ZNF469: variants seen among roughly 807,000 people sequenced by gnomAD.
ZNF469 encodes zinc finger protein 469.
Under a neutral mutation model 1.0 loss-of-function variants are expected in ZNF469, and 1 was observed. The observed-to-expected ratio is 1.00, with a 90% confidence interval of 0.35 to 4.73. ZNF469 has a LOEUF of 4.73. Ranked by LOEUF, ZNF469 falls within the 30% of genes most tolerant of loss-of-function variation. The probability of loss-of-function intolerance (pLI) is 0.16; values close to 1 mark genes in which losing one functional copy is unlikely to be tolerated. For synonymous variants in ZNF469, 2,703 were observed against 2,363.4 expected (o/e 1.14, Z -4.17); for missense variants, 6,100 against 5,356.3 (o/e 1.14, Z -4.33).
chr16:88,272,482 A>G, the ZNF469 span, among the ~76,000 whole-genome samples: 7 of 124,634 alleles, frequency 5.6e-5, no homozygotes, highest in Non-Finnish European at 1.1e-4. Flanking sequence ...GGGTGTATGG[A>G]TAGATGAGTG....
rs78213929 is a variant in ZNF469, at chr16:88,434,135, T to C, written c.6665T>C (p.Leu2222Pro). The C allele has an allele frequency of 1.2e-5, 18 of 1,550,186 alleles. No homozygotes were observed. The East Asian group carries it at 4.4e-4, about 38-fold the overall frequency. ...GCLLQGEGSPLEDPSSWPPGS... is the reference protein window; with the variant it reads ...GCLLQGEGSPPEDPSSWPPGS... ...CTTCTCCAGGGGGAGGGCAGCCCCC[T>C]GGAAGACCCTTCCTCCTGGCCTCCT... The change falls in exon 3 of 3, where the codon CTG (leucine) becomes CCG (proline). Residue 2222 changes from leucine (L) to proline (P), a missense_variant. Physicochemically the swap from Leu to Pro is moderately conservative, Grantham distance 98. Transcript: ENST00000565624.
chr16:88,231,637 G>T, the ZNF469 span, among the ~76,000 whole-genome samples: 1 of 152,118 alleles, frequency 6.6e-6, no homozygotes, highest in African/African-American at 2.4e-5. This position sits in a 1 kb window ranked among gnomAD's most constrained non-coding sequence, Gnocchi z 4.5. Flanking sequence ...CACCTTCCAG[G>T]CCAGCAGCGC....
At chr16:88,117,388 C>A in the ZNF469 span, among the ~76,000 whole-genome samples, 27 of 151,888 alleles carry the variant, frequency 1.8e-4, no homozygotes, top group African/African-American at 5.3e-4. Context: ...AGTTTTTTTA[C>A]AAAAAGAAAA....
chr16:88,247,782 GGAGTGAGTAAATGAGTGAATGAGT>G, the ZNF469 span, among the ~76,000 whole-genome samples: 15 of 149,268 alleles, frequency 1.0e-4, no homozygotes, highest in African/African-American at 3.4e-4. Context: ...AGTGAATGAG[GGAGTGAGTAAATGAGTGAATGAGT>G]GAGTGAGTGA....
intron 1 of ZNF469, among the ~76,000 whole-genome samples, chr16:88,401,113 G>A (rs183936565): frequency 2.2e-4 from 33 of 152,228 alleles, no homozygotes; most frequent in Middle Eastern, 3.4e-3. Context: ...AGAAAAGTGC[G>A]TTCAGACCCC....
the ZNF469 span, among the ~76,000 whole-genome samples, chr16:88,163,623 TGGATGG>T: frequency 6.8e-6 from 1 of 147,430 alleles, no homozygotes; most frequent in Non-Finnish European, 1.5e-5. Context: ...GATGGATGGA[TGGATGG>T]ATGGATGGAT....
chr16:88,191,863 C>G, the ZNF469 span: 1 of 151,980 alleles, frequency 6.6e-6, no homozygotes, highest in Non-Finnish European at 1.5e-5. Context: ...GTTACTCTGG[C>G]TGGGATGGGG....
chr16:88,297,522 C>T, the ZNF469 span, among the ~76,000 whole-genome samples: 3 of 152,206 alleles, frequency 2.0e-5, no homozygotes, highest in African/African-American at 4.8e-5. Flanking sequence ...TCACAGCCCA[C>T]GGCACACGGC....
the ZNF469 span, among the ~76,000 whole-genome samples, chr16:88,203,211 C>T: frequency 6.6e-6 from 1 of 152,116 alleles, no homozygotes; most frequent in African/African-American, 2.4e-5. Context: ...TGAGGAACCC[C>T]CCAGGGAGGG....
the ZNF469 span, among the ~76,000 whole-genome samples, chr16:88,231,752 C>T: frequency 9.8e-5 from 15 of 152,308 alleles, no homozygotes; most frequent in East Asian, 2.5e-3. This position sits in a 1 kb window ranked among gnomAD's most constrained non-coding sequence, Gnocchi z 4.5. Context: ...ACTGAGCCAC[C>T]GGGACAACCC....
the ZNF469 span, among the ~76,000 whole-genome samples, chr16:88,209,981 G>T: frequency 6.6e-6 from 1 of 152,074 alleles, no homozygotes; most frequent in Non-Finnish European, 1.5e-5. Context: ...CCTCCAAGAC[G>T]GTTTTACCAA....
the ZNF469 span, among the ~76,000 whole-genome samples, chr16:88,121,701 G>A: frequency 6.6e-6 from 1 of 152,202 alleles, no homozygotes; most frequent in African/African-American, 2.4e-5. Context: ...TGACTTTTAA[G>A]CCCTGCCTTC....
chr16:88,401,781 GGGTGGATGGAT>G (rs1904878438), intron 1 of ZNF469, among the ~76,000 whole-genome samples: 2 of 151,774 alleles, frequency 1.3e-5, no homozygotes, highest in African/African-American at 4.8e-5. Context: ...ATGGATGCAT[GGGTGGATGGAT>G]AGTGGATGGA....
chr16:88,433,192 C>G lies in ZNF469; in HGVS notation c.5722C>G (p.Pro1908Ala). 3 of 1,550,368 alleles carry G rather than the reference C, an allele frequency of 1.9e-6. No homozygotes were observed. Residue 1908 changes from proline (P) to alanine (A), a missense_variant, in exon 3 of 3, where the codon CCA becomes GCA. By Grantham distance (27) the Pro-to-Ala change is conservative. Coordinates refer to ENST00000565624, the MANE Select transcript of ZNF469 (RefSeq NM_001367624.2). ...CCCCCCCATACGTCAGCTCCAGCTC[C>G]CAGGGCCTGGAGTGGCTAAGAGTAA... The part of the protein sequence containing the change: ...LSPPIRQLQL[P>A]GPGVAKSKDG...
chr16:88,241,868 A>G, the ZNF469 span, among the ~76,000 whole-genome samples: 1 of 152,194 alleles, frequency 6.6e-6, no homozygotes, highest in Non-Finnish European at 1.5e-5. This position sits in a 1 kb window ranked among gnomAD's most constrained non-coding sequence, Gnocchi z 4.8. Flanking sequence ...GTGGAGACTC[A>G]GCCTGGAGAG....
chr16:88,205,287 C>T, the ZNF469 span, among the ~76,000 whole-genome samples: 2 of 152,190 alleles, frequency 1.3e-5, no homozygotes, highest in African/African-American at 2.4e-5. This position sits in a 1 kb window ranked among gnomAD's most constrained non-coding sequence, Gnocchi z 4.2. Flanking sequence ...CTGATTATGT[C>T]CCGGCTTCCT....
chr16:88,320,603 T>TG, the ZNF469 span, among the ~76,000 whole-genome samples: 1 of 152,168 alleles, frequency 6.6e-6, no homozygotes, highest in African/African-American at 2.4e-5. Context: ...AGGCTGGACT[T>TG]GAACTCCTGA....
chr16:88,109,704 C>T, the ZNF469 span, among the ~76,000 whole-genome samples: 4 of 150,040 alleles, frequency 2.7e-5, no homozygotes, highest in Admixed American at 6.6e-5. Flanking sequence ...TCTGTGTCCA[C>T]GCTGTCTCCT....
In ZNF469 at chr16:88,428,293, T is replaced by C; in HGVS notation, c.823T>C (p.Phe275Leu). 1 of 1,550,310 alleles carries C rather than the reference T, an allele frequency of 6.5e-7. No individual in the cohort carries two copies. The highest frequency in any genetic ancestry group is 1.2e-5 in the South Asian group (1 of 84,068). Residue 275 changes from phenylalanine (F) to leucine (L), a missense_variant, in exon 3 of 3, where the codon TTC (phenylalanine) becomes CTC (leucine). Phe to Leu is a conservative substitution (Grantham distance 22, BLOSUM62 0). Coordinates refer to ENST00000565624, the MANE Select transcript of ZNF469 (RefSeq NM_001367624.2). ...CAGCCCCAGGGGAGTTTCCTTCCAG[T>C]TCCCCTTCCCGGCACTGCATGGGGC... ...GGSPRGVSFQ[F>L]PFPALHGAST... is the part of the protein sequence containing the mutation.
Sources: gnomAD v4.1 joint callset for allele counts (sites outside exome capture counted in the v4.1 genomes callset) on GRCh38, gnomAD v4.1.1 for gene constraint, Gnocchi (gnomAD v3.1) non-coding constraint, MANE v1.5 for transcripts, NCBI Gene and HGNC (gene_info 2026-07-23, HGNC 2026-07-21) for gene names.